Variants in ARHGAP6 observed in about 807,000 individuals in gnomAD.
ARHGAP6 encodes the protein rho GTPase-activating protein 6.
A neutral mutation model predicts 55.7 loss-of-function variants in ARHGAP6; 16 were observed. That is an observed-to-expected ratio of 0.29 (90% CI 0.19 to 0.44). The LOEUF (loss-of-function observed/expected upper bound fraction) is 0.44. Among genes scored for constraint, ARHGAP6 ranks in the 20% least tolerant of loss-of-function variants. ARHGAP6 has a pLI of 1.00. For synonymous variants in ARHGAP6, 382 were observed against 360.9 expected (o/e 1.06, Z -0.66); for missense variants, 698 against 808.9 (o/e 0.86, Z 1.66).
chrX:11,144,954 A>T (rs2045669519), intron 10 of ARHGAP6: 1 of 112,913 alleles, frequency 8.9e-6, no homozygotes, highest in Non-Finnish European at 1.9e-5. Flanking sequence ...TAATTAGTAT[A>T]CCATTATCAT....
At chrX:11,625,412 G>C (rs892541808) in intron 1 of ARHGAP6, among the ~76,000 whole-genome samples, 15 of 110,536 alleles carry the variant, frequency 1.4e-4, no homozygotes, top group Non-Finnish European at 2.1e-4. Context: ...TATAACTGGA[G>C]GACATTATGT....
At chrX:11,166,712 C>G (rs937640116) in intron 9 of ARHGAP6, among the ~76,000 whole-genome samples, 2 of 111,995 alleles carry the variant, frequency 1.8e-5, no homozygotes, top group African/African-American at 6.5e-5. Flanking sequence ...GAAGTCAGTG[C>G]TAGGGCATAG....
At chrX:11,197,189 T>A (rs1320534797) in intron 2 of ARHGAP6, among the ~76,000 whole-genome samples, 193 bp from the exon 3 acceptor site, 5 of 112,120 alleles carry the variant, frequency 4.5e-5, no homozygotes, top group African/African-American at 1.3e-4. Flanking sequence ...AATTTTGGTG[T>A]ATATTCTTGA....
intron 2 of ARHGAP6, among the ~76,000 whole-genome samples, chrX:11,220,777 TAAC>T (rs2046958757): frequency 9.3e-6 from 1 of 107,576 alleles, no homozygotes; most frequent in African/African-American, 3.4e-5. Context: ...AATTCACACA[TAAC>T]AATATTAACT....
chrX:11,499,393 GT>G (rs770214290), intron 1 of ARHGAP6, among the ~76,000 whole-genome samples: 7 of 104,553 alleles, frequency 6.7e-5, no homozygotes, highest in African/African-American at 7.3e-5. Flanking sequence ...CAGGCAAGCA[GT>G]TTTTTTTCCC....
chrX:11,277,008 G>T (rs1480497268), intron 1 of ARHGAP6, among the ~76,000 whole-genome samples: 1 of 110,817 alleles, frequency 9.0e-6, no homozygotes, highest in Non-Finnish European at 1.9e-5. Flanking sequence ...ACACCAAAAG[G>T]AAAGCCCATA....
chrX:11,144,467 C>T (rs1421921716), intron 10 of ARHGAP6, among the ~76,000 whole-genome samples: 1 of 112,245 alleles, frequency 8.9e-6, no homozygotes, highest in Non-Finnish European at 1.9e-5. Context: ...ACAGATATAA[C>T]AGGAAAAGGC....
At chrX:11,421,569 T>C (rs2049823848) in intron 1 of ARHGAP6, among the ~76,000 whole-genome samples, 1 of 111,280 alleles carries the variant, frequency 9.0e-6, no homozygotes, top group Non-Finnish European at 1.9e-5. Context: ...CATTAGAGAG[T>C]TTGGCTGAAA....
rs763561780 is a variant in ARHGAP6, at chrX:11,139,373, G to A, written c.2415C>T (p.Pro805=). The A allele has an allele frequency of 3.4e-6, 4 of 1,180,602 alleles. No individual in the cohort carries two copies. Among genetic ancestry groups the A allele is most frequent in the South Asian group, 3.7e-5 (2 of 53,785 alleles). Residue 805 remains proline (P), a synonymous_variant, in exon 13 of 13, where the codon CCC becomes CCT. Transcript: ENST00000337414. ...QGARRTQAAA[P]ATEGRAHPAV... is the part of the protein sequence containing the mutation. Reference sequence around the variant, plus strand: ...CAGGGTGGGCCCTGCCCTCCGTCGCGGGGGCTGCGGCCTGAGTCCTCCGAG... The same window carrying A: ...CAGGGTGGGCCCTGCCCTCCGTCGCAGGGGCTGCGGCCTGAGTCCTCCGAG...
intron 4 of ARHGAP6, 113 bp downstream of exon 4, chrX:11,188,615 A>C: frequency 9.6e-7 from 1 of 1,041,537 alleles, no homozygotes; most frequent in Non-Finnish European, 1.3e-6. Flanking sequence ...TTGTTGACAG[A>C]TACCTGAACA....
chrX:11,641,615 A>C (rs2052475581), intron 1 of ARHGAP6, among the ~76,000 whole-genome samples: 1 of 112,114 alleles, frequency 8.9e-6, no homozygotes, highest in Non-Finnish European at 1.9e-5. Flanking sequence ...AAGAATAAAC[A>C]GTTTAAAAGC....
chrX:11,180,742 A>C (rs758587755), intron 6 of ARHGAP6, among the ~76,000 whole-genome samples: 29 of 112,041 alleles, frequency 2.6e-4, no homozygotes, highest in Non-Finnish European at 4.5e-4. Context: ...TGTCCACCTG[A>C]TGAGAATGAA....
At chrX:11,225,666 T>C in intron 2 of ARHGAP6, 1 of 596,172 alleles carries the variant, frequency 1.7e-6, no homozygotes, top group Non-Finnish European at 2.6e-6. Context: ...TTTGTGCTTC[T>C]AGAGAATATT....
At chrX:11,605,843 G>A (rs1418384887) in intron 1 of ARHGAP6, among the ~76,000 whole-genome samples, 1 of 109,704 alleles carries the variant, frequency 9.1e-6, no homozygotes, top group Non-Finnish European at 1.9e-5. Context: ...TAATTTGTAT[G>A]ATCTCGGTAA....
At chrX:11,318,679 C>T (rs1288132228) in intron 1 of ARHGAP6, 1 of 113,193 alleles carries the variant, frequency 8.8e-6, no homozygotes, top group Non-Finnish European at 1.9e-5. Context: ...ATTACTTCTG[C>T]ACCAATCTAA....
chrX:11,585,275 G>GT (rs1308235894), intron 1 of ARHGAP6, among the ~76,000 whole-genome samples: 2 of 111,999 alleles, frequency 1.8e-5, no homozygotes, highest in African/African-American at 6.5e-5. Flanking sequence ...AAAACAATCT[G>GT]TATTCCTTTG....
rs774954368 is a variant in ARHGAP6 at position 11,142,294 on chromosome X, G to A, written c.2196C>T (p.Phe732=). 22 of 1,199,382 alleles carry A rather than the reference G, an allele frequency of 1.8e-5. No homozygotes were observed. Among genetic ancestry groups the A allele is most frequent in the East Asian group, 9.0e-5 (3 of 33,494 alleles). ...TTGAATGCCAAGTTCCCCAGATATC[G>A]AAAGGCTCCTCTGACAGATCTAGGG... ...RLGKDLSEEP[F]DIWGTWHSTL... The change falls in exon 12 of 13, where the codon TTC becomes TTT. Residue 732 remains phenylalanine, a synonymous_variant. Transcript: ENST00000337414.
chrX:11,651,052 G>A (rs180764959), intron 1 of ARHGAP6, among the ~76,000 whole-genome samples: 56 of 112,123 alleles, frequency 5.0e-4, no homozygotes, highest in African/African-American at 1.7e-3. Flanking sequence ...CTGTCTTTGA[G>A]CTCTCTTATA....
At chrX:11,455,719 G>A (rs1306747686) in intron 1 of ARHGAP6, among the ~76,000 whole-genome samples, 1 of 111,550 alleles carries the variant, frequency 9.0e-6, no homozygotes, top group Non-Finnish European at 1.9e-5. Flanking sequence ...TTCAAGGTGA[G>A]TGATTTTAGG....
Sources: allele counts gnomAD v4.1 joint callset (sites outside exome capture counted in the v4.1 genomes callset), GRCh38; gene constraint gnomAD v4.1.1; transcripts MANE v1.5; gene names NCBI Gene and HGNC (gene_info 2026-07-23, HGNC 2026-07-21).